Variants in MAN2A1 observed in about 807,000 individuals in gnomAD.
MAN2A1 encodes mannosidase alpha class 2A member 1.
Under a neutral mutation model 142.6 loss-of-function variants are expected in MAN2A1, and 76 were observed. The observed-to-expected ratio is 0.53, with a 90% CI of 0.44 to 0.65. The LOEUF is 0.65. MAN2A1 is among the 30% of genes least tolerant of loss of function. The probability of loss-of-function intolerance (pLI) is 0.00; values close to 1 mark genes in which losing one functional copy is unlikely to be tolerated. For missense variants in MAN2A1, 1,311 were observed against 1,365.1 expected, an observed-to-expected ratio of 0.96 and a Z score of 0.62; for synonymous variants, 559 against 473.2, an observed-to-expected ratio of 1.18 and a Z score of -2.35.
intron 12 of MAN2A1, among the ~76,000 whole-genome samples, chr5:109,790,303 T>C (rs1194517570): frequency 6.6e-6 from 1 of 151,828 alleles, no homozygotes; most frequent in Non-Finnish European, 1.5e-5. Context: ...ACTAAATATA[T>C]TTTATTAAAA....
At chr5:109,848,166 T>C (rs945821202) in intron 19 of MAN2A1, among the ~76,000 whole-genome samples, 2 of 152,204 alleles carry the variant, frequency 1.3e-5, no homozygotes, top group Non-Finnish European at 2.9e-5. Flanking sequence ...TTTGAAATCT[T>C]AGTAAAATTT....
At chr5:109,769,908 C>T (rs1753096229) in intron 6 of MAN2A1, among the ~76,000 whole-genome samples, 1 of 152,074 alleles carries the variant, frequency 6.6e-6, no homozygotes, top group Non-Finnish European at 1.5e-5. Context: ...TTTGTTCTTC[C>T]ATCCCTTTTT....
Position 109,855,137 on chromosome 5 carries a change from T to A in MAN2A1, c.2977-3T>A, listed in dbSNP as rs534741405. ...CTTAAACATTTTTGTTTTTTCTTGA[T>A]AGGAAGAAGAAAAGAAGTCGGTCAG... On this transcript the variant is annotated splice_polypyrimidine_tract_variant and splice_region_variant and intron_variant, in intron 19 of 21. Coordinates refer to ENST00000261483, the MANE Select transcript of MAN2A1 (RefSeq NM_002372.4). 5.6e-5 allele frequency: 86 copies of A among 1,526,598 alleles called. No individual in the cohort carries two copies. In the South Asian group the frequency reaches 1.1e-3, roughly 20 times the overall value. 94.6% of individuals were successfully genotyped at this position (1,526,598 alleles called of 1,614,324 possible). A position where few individuals can be genotyped will look rare whatever the true frequency, so the allele number is the denominator to read the frequency against.
At chr5:109,819,928 A>G (rs926866728) in intron 14 of MAN2A1, 41 bp downstream of exon 14, 2 of 1,368,486 alleles carry the variant, frequency 1.5e-6, no homozygotes, top group Non-Finnish European at 1.0e-6. Context: ...AATGCTTATC[A>G]TTTTTGCTAC....
intron 12 of MAN2A1, among the ~76,000 whole-genome samples, chr5:109,806,802 C>T (rs913026413): frequency 1.3e-5 from 2 of 152,212 alleles, no homozygotes; most frequent in Non-Finnish European, 2.9e-5. Flanking sequence ...TTTGATCACA[C>T]ATGCAGCATG....
At chr5:109,837,011 GAC>G (rs922549997) in intron 16 of MAN2A1, among the ~76,000 whole-genome samples, 1 of 150,796 alleles carries the variant, frequency 6.6e-6, no homozygotes, top group African/African-American at 2.4e-5. Flanking sequence ...TCTCATTTGT[GAC>G]ACAGCATTCC....
intron 5 of MAN2A1, among the ~76,000 whole-genome samples, chr5:109,765,907 A>C (rs1219274410): frequency 2.0e-5 from 3 of 151,982 alleles, no homozygotes; most frequent in African/African-American, 7.2e-5. Flanking sequence ...ATTCCAGGCT[A>C]TCATGTACTT....
chr5:109,789,635 A>C, intron 12 of MAN2A1, 108 bp downstream of exon 12: 2 of 724,664 alleles, frequency 2.8e-6, no homozygotes, highest in Non-Finnish European at 4.4e-6. Flanking sequence ...TCAATTTATT[A>C]ATTAAAAAAC....
intron 4 of MAN2A1, among the ~76,000 whole-genome samples, chr5:109,733,534 C>T (rs1437200399): frequency 1.3e-5 from 2 of 152,088 alleles, no homozygotes; most frequent in Admixed American, 6.5e-5. Flanking sequence ...GAGATACGTC[C>T]CATCAATACC....
rs1488237525 is a variant in MAN2A1, at chr5:109,868,026, T to C, written c.*1028T>C. 1 of 152,170 alleles carries C rather than the reference T, an allele frequency of 6.6e-6. No homozygotes were observed. The highest frequency in any genetic ancestry group is 2.4e-5 in the African/African-American group (1 of 41,452). 9.4% of individuals were successfully genotyped at this position (152,170 alleles called of 1,614,324 possible). A position where few individuals can be genotyped will look rare whatever the true frequency, so the allele number is the denominator to read the frequency against. ...GTGATGTTACTCTAAACATTTTGAC[T>C]ATTTGAATGTACTGAGATGTCAGAA... is the stretch of plus-strand genomic sequence containing the variant. On this transcript the variant is annotated 3_prime_UTR_variant, in exon 22 of 22. Transcript: ENST00000261483.
At chr5:109,795,921 T>A (rs554693055) in intron 12 of MAN2A1, among the ~76,000 whole-genome samples, 63 of 152,190 alleles carry the variant, frequency 4.1e-4, no homozygotes, top group Non-Finnish European at 8.2e-4. Context: ...CCCATGGTAA[T>A]GTGGCCTTGT....
At position 109,865,286 on chromosome 5, in the gene MAN2A1, C is replaced by G. The variant is rs369431595; in HGVS notation, c.3282+140C>G. On this transcript the variant is annotated intron_variant, in intron 21 of 21. Coordinates refer to ENST00000261483, the MANE Select transcript of MAN2A1 (RefSeq NM_002372.4). ...CAGTCTGCAAATTAGTTTGAATCTC[C>G]CCATCTGAAAAATGCACTTTCTCAA... is the stretch of plus-strand genomic sequence containing the variant. 3.4e-5 allele frequency: 22 copies of G among 646,154 alleles called. 1 individual carries two copies. Among genetic ancestry groups the G allele is most frequent in the Admixed American group, 1.1e-4 (4 of 35,242 alleles). 40.0% of individuals were successfully genotyped at this position (646,154 alleles called of 1,614,324 possible). A position where few individuals can be genotyped will look rare whatever the true frequency, so the allele number is the denominator to read the frequency against.
At chr5:109,852,057 T>C (rs1396860994) in intron 19 of MAN2A1, among the ~76,000 whole-genome samples, 1 of 151,938 alleles carries the variant, frequency 6.6e-6, no homozygotes, top group Non-Finnish European at 1.5e-5. Flanking sequence ...ATTTCCAGTT[T>C]CTTGGGTAAA....
At chr5:109,739,156 A>T (rs1375128761) in intron 4 of MAN2A1, among the ~76,000 whole-genome samples, 3 of 152,046 alleles carry the variant, frequency 2.0e-5, no homozygotes, top group Non-Finnish European at 4.4e-5. Flanking sequence ...TAATGGGAAG[A>T]TTTTAACTGT....
chr5:109,800,375 GTCTT>G (rs1753988492), intron 12 of MAN2A1, among the ~76,000 whole-genome samples: 1 of 152,120 alleles, frequency 6.6e-6, no homozygotes, highest in Non-Finnish European at 1.5e-5. Context: ...GTATGGGTTG[GTCTT>G]GTTCATTATT....
chr5:109,817,205 C>CAT, intron 12 of MAN2A1, 68 bp from the exon 13 acceptor site: 1 of 1,289,824 alleles, frequency 7.8e-7, no homozygotes, highest in South Asian at 1.3e-5. Context: ...TGTATATCTA[C>CAT]ATGTATATGT....
At chr5:109,791,626 G>A (rs1206126401) in intron 12 of MAN2A1, among the ~76,000 whole-genome samples, 1 of 151,648 alleles carries the variant, frequency 6.6e-6, no homozygotes, top group African/African-American at 2.4e-5. Flanking sequence ...ATGCATTCTC[G>A]ATGGGGGAGA....
chr5:109,709,951 G>T (rs1253364587), intron 1 of MAN2A1, among the ~76,000 whole-genome samples: 1 of 152,108 alleles, frequency 6.6e-6, no homozygotes, highest in African/African-American at 2.4e-5. Context: ...TTTCTTTAAT[G>T]CAGACTACAA....
intron 12 of MAN2A1, among the ~76,000 whole-genome samples, chr5:109,792,447 C>T (rs1323517879): frequency 1.3e-5 from 2 of 152,032 alleles, no homozygotes; most frequent in Non-Finnish European, 2.9e-5. Context: ...TTATTTATTA[C>T]ATGAAGTTAT....
Sources: gnomAD v4.1 joint callset for allele counts (sites outside exome capture counted in the v4.1 genomes callset) on GRCh38, gnomAD v4.1.1 for gene constraint, MANE v1.5 for transcripts, NCBI Gene and HGNC (gene_info 2026-07-23, HGNC 2026-07-21) for gene names.